Variants in NPAS3 observed in about 807,000 individuals in gnomAD.
NPAS3 encodes the protein neuronal PAS domain protein 3, also known as neuronal PAS domain-containing protein 3.
In NPAS3, 14 loss-of-function variants were observed where a neutral mutation model predicts 73.1. The ratio of observed to expected loss-of-function variants is 0.19; its 90% CI spans 0.13 to 0.30. The LOEUF (loss-of-function observed/expected upper bound fraction) is 0.30. Among genes scored for constraint, NPAS3 ranks in the 10% least tolerant of loss-of-function variants. The pLI, the probability that NPAS3 is intolerant of heterozygous loss-of-function variation, is 1.00. For synonymous variants in NPAS3, 620 were observed against 541.5 expected (o/e 1.14, Z -2.01); for missense variants, 1,096 against 1,250.0 (o/e 0.88, Z 1.86).
chr14:33,347,139 A>G (rs921298398), intron 3 of NPAS3, among the ~76,000 whole-genome samples: 1 of 152,234 alleles, frequency 6.6e-6, no homozygotes, highest in Non-Finnish European at 1.5e-5. Context: ...AAAGAAAAGC[A>G]AACTGGTGGC....
chr14:33,629,218 G>A (rs1192566199), intron 5 of NPAS3, among the ~76,000 whole-genome samples: 1 of 147,078 alleles, frequency 6.8e-6, no homozygotes, highest in African/African-American at 2.5e-5. Context: ...CTGGGTGACA[G>A]AGCGAGACTC....
At chr14:33,464,309 A>G (rs770102720) in intron 4 of NPAS3, among the ~76,000 whole-genome samples, 28 of 151,904 alleles carry the variant, frequency 1.8e-4, no homozygotes, top group Non-Finnish European at 3.7e-4. Context: ...ATTGTTGTTA[A>G]TTTTTTTTAT....
intron 1 of NPAS3, among the ~76,000 whole-genome samples, chr14:33,035,484 C>T (rs2040135279): frequency 1.3e-5 from 2 of 152,182 alleles, no homozygotes; most frequent in Non-Finnish European, 2.9e-5. Context: ...CTCAGTCTTA[C>T]ACATCTTCAA....
At chr14:33,115,412 T>C (rs979507010) in intron 2 of NPAS3, among the ~76,000 whole-genome samples, 9 of 152,188 alleles carry the variant, frequency 5.9e-5, no homozygotes, top group African/African-American at 2.2e-4. Flanking sequence ...GCTTAGTGTA[T>C]GTGACTGTAT....
At chr14:33,571,387 C>T (rs2056209285) in intron 5 of NPAS3, among the ~76,000 whole-genome samples, 6 of 152,108 alleles carry the variant, frequency 3.9e-5, no homozygotes, top group Admixed American at 3.9e-4. Context: ...GGAGGGGAGC[C>T]TGGCGAAGTA....
At chr14:33,361,801 T>G (rs2045615907) in intron 3 of NPAS3, among the ~76,000 whole-genome samples, 1 of 152,196 alleles carries the variant, frequency 6.6e-6, no homozygotes, top group African/African-American at 2.4e-5. Flanking sequence ...AATTTAAAAA[T>G]AAACCCAAAG....
chr14:33,215,430 A>G lies in NPAS3; in HGVS notation c.385+4A>G, dbSNP rs376362676. On this transcript the variant is annotated splice_donor_region_variant and intron_variant, in intron 3 of 11. Transcript: ENST00000356141. ...CCACCTAACACATCAGTAAAAGGTA[A>G]GTTTTAGGTCACTGTTCAGTCTGAA... 2.1e-5 allele frequency: 34 copies of G among 1,613,850 alleles called. No individual in the cohort carries two copies. In the African/African-American group the frequency reaches 4.0e-4, roughly 19 times the overall value.
chr14:33,605,020 G>T (rs762537349), intron 5 of NPAS3, among the ~76,000 whole-genome samples: 2 of 151,776 alleles, frequency 1.3e-5, no homozygotes, highest in Non-Finnish European at 2.9e-5. Context: ...ATCTAAAGAA[G>T]CTAGAAAAAG....
rs80066520 is a variant in NPAS3, at chr14:33,215,992, A to G, written c.385+566A>G. Among the ~76,000 whole-genome samples, 1,036 of 152,314 alleles carry G rather than the reference A, an allele frequency of 6.8e-3. 13 individuals are homozygous for G. The highest frequency in any genetic ancestry group is 0.024 in the African/African-American group (1,001 of 41,560). Reference sequence around the variant, plus strand: ...AAATCCTTGATGCAGTTACTCTTACAACTTAGTATCTTTAAATGTTAGGTC... The same window carrying G: ...AAATCCTTGATGCAGTTACTCTTACGACTTAGTATCTTTAAATGTTAGGTC... On this transcript the variant is annotated intron_variant, in intron 3 of 11. Transcript: ENST00000356141.
At chr14:33,577,372 T>A (rs2056477799) in intron 5 of NPAS3, among the ~76,000 whole-genome samples, 1 of 152,154 alleles carries the variant, frequency 6.6e-6, no homozygotes, top group Non-Finnish European at 1.5e-5. Context: ...AGGCTTAGGG[T>A]GTATTTTTCA....
downstream of NPAS3, chr14:33,803,712 A>G (rs1595651522): frequency 1.7e-3 from 2 of 1,164 alleles, no homozygotes; most frequent in East Asian, 0.03. Context: ...TACAAAATGA[A>G]AAAAAAAAAA....
At chr14:33,409,809 T>C (rs1385211058) in intron 4 of NPAS3, among the ~76,000 whole-genome samples, 1 of 152,166 alleles carries the variant, frequency 6.6e-6, no homozygotes, top group African/African-American at 2.4e-5. Flanking sequence ...GAATATGGAA[T>C]TTCATTGTTT....
At chr14:33,357,109 T>C (rs2045372804) in intron 3 of NPAS3, among the ~76,000 whole-genome samples, 1 of 152,176 alleles carries the variant, frequency 6.6e-6, no homozygotes, top group African/African-American at 2.4e-5. Context: ...TCAGCTAACA[T>C]AAGTAAGACC....
chr14:33,091,923 C>A (rs371771649), intron 2 of NPAS3, among the ~76,000 whole-genome samples: 7 of 152,092 alleles, frequency 4.6e-5, no homozygotes, highest in Admixed American at 3.9e-4. Flanking sequence ...ATTCAGCAGC[C>A]CTTCATGCTA....
At chr14:33,016,948 A>G (rs1466496111) in intron 1 of NPAS3, among the ~76,000 whole-genome samples, 1 of 152,198 alleles carries the variant, frequency 6.6e-6, no homozygotes, top group East Asian at 1.9e-4. Flanking sequence ...ATTCTATTTA[A>G]TTTCTGTTTT....
At chr14:33,274,643 A>G (rs243312) in intron 3 of NPAS3, among the ~76,000 whole-genome samples, 69,870 of 152,018 alleles carry the variant, frequency 0.46, 16,827 homozygotes, top group East Asian at 0.76. Flanking sequence ...TGATCCAAGC[A>G]CAAGCTTTAT....
intron 2 of NPAS3, among the ~76,000 whole-genome samples, chr14:33,124,027 A>AT (rs1294173111): frequency 2.0e-5 from 3 of 151,450 alleles, no homozygotes; most frequent in Admixed American, 1.3e-4. Flanking sequence ...TGCCTGGCTT[A>AT]TTTTTTTGTA....
Position 33,750,488 on chromosome 14 carries a change from A to G in NPAS3, c.852+15156A>G, listed in dbSNP as rs186859405. ...AACTAATTTTACGTATTCTAACTAG[A>G]GTTTTAGAATGTAGTTTTTTTCCCC... On this transcript the variant is annotated intron_variant, in intron 7 of 11. Coordinates refer to ENST00000356141, the Ensembl canonical transcript of NPAS3. Among the ~76,000 whole-genome samples the G allele has an allele frequency of 4.6e-3, 704 of 152,306 alleles. 4 individuals carry two copies. Among genetic ancestry groups the G allele is most frequent in the African/African-American group, 0.016 (664 of 41,556 alleles).
At chr14:33,694,443 C>T (rs2060318523) in intron 6 of NPAS3, among the ~76,000 whole-genome samples, 1 of 152,102 alleles carries the variant, frequency 6.6e-6, no homozygotes, top group African/African-American at 2.4e-5. Flanking sequence ...AAGGAACCTG[C>T]GTATAACATT....
Sources: gnomAD v4.1 joint callset for allele counts (sites outside exome capture counted in the v4.1 genomes callset) on GRCh38, gnomAD v4.1.1 for gene constraint, MANE v1.5 for transcripts, NCBI Gene and HGNC (gene_info 2026-07-23, HGNC 2026-07-21) for gene names.